The following XKR6 variants were observed in gnomAD, a reference collection of about 807,000 sequenced individuals.
XKR6 encodes XK-related protein 6.
A neutral mutation model predicts 56.7 loss-of-function variants in XKR6; 22 were observed. That is an observed-to-expected ratio of 0.39 (90% CI 0.28 to 0.55). The LOEUF (loss-of-function observed/expected upper bound fraction) is 0.55, where lower values mean the gene tolerates loss of function less well. Among genes scored for constraint, XKR6 ranks in the 20% least tolerant of loss-of-function variants. XKR6 has a pLI of 0.66. For synonymous variants in XKR6, 524 were observed against 387.8 expected (o/e 1.35, Z -4.13); for missense variants, 852 against 889.0 (o/e 0.96, Z 0.53).
intron 1 of XKR6, among the ~76,000 whole-genome samples, chr8:10,989,011 A>G (rs1438478360): frequency 6.6e-6 from 1 of 152,246 alleles, no homozygotes; most frequent in Non-Finnish European, 1.5e-5. Context: ...CGTTCCAACA[A>G]TCACTGAATA....
At chr8:11,154,611 T>C (rs1801422419) in intron 1 of XKR6, among the ~76,000 whole-genome samples, 3 of 152,200 alleles carry the variant, frequency 2.0e-5, no homozygotes, top group African/African-American at 7.2e-5. Flanking sequence ...GTGTGAGAAG[T>C]GAGAGTAGTC....
rs765054158 is a variant in XKR6 at position 11,201,343 on chromosome 8, G to C, written c.-4C>G. 1 of 1,293,958 alleles carries C rather than the reference G, an allele frequency of 7.7e-7. No individual in the cohort carries two copies. Among genetic ancestry groups the C allele is most frequent in the Admixed American group, 2.1e-5 (1 of 48,360 alleles). 80.2% of individuals were successfully genotyped at this position (1,293,958 alleles called of 1,614,324 possible). ...CGCCATCGGATTTCGCCGCCATCTT[G>C]ACTCTCTTCCCAGCTCCGGAGGTTG... On this transcript the variant is annotated 5_prime_UTR_variant, in exon 1 of 3. Coordinates refer to ENST00000416569, the MANE Select transcript of XKR6 (RefSeq NM_173683.4).
At chr8:10,921,652 C>G (rs779611270) in intron 2 of XKR6, among the ~76,000 whole-genome samples, 5 of 152,006 alleles carry the variant, frequency 3.3e-5, no homozygotes, top group Non-Finnish European at 7.4e-5. Flanking sequence ...AAGTGGTGAC[C>G]AGGTCCTTGG....
intron 1 of XKR6, among the ~76,000 whole-genome samples, chr8:11,029,116 G>T (rs1162159686): frequency 1.3e-5 from 2 of 152,132 alleles, no homozygotes; most frequent in African/African-American, 4.8e-5. Context: ...CGTAGGCTCT[G>T]CTCTTTCATG....
At chr8:11,153,798 C>G (rs1432219830) in intron 1 of XKR6, among the ~76,000 whole-genome samples, 2 of 152,218 alleles carry the variant, frequency 1.3e-5, no homozygotes, top group Non-Finnish European at 2.9e-5. Context: ...CTCTCTCTTT[C>G]TTGCATATTT....
At chr8:11,042,834 G>C (rs2129156638) in intron 1 of XKR6, among the ~76,000 whole-genome samples, 1 of 152,356 alleles carries the variant, frequency 6.6e-6, no homozygotes, top group Non-Finnish European at 1.5e-5. Flanking sequence ...CATGGCCCCT[G>C]CCTTGGCAGA....
chr8:11,115,564 A>G (rs1253927870), intron 1 of XKR6, among the ~76,000 whole-genome samples: 1 of 152,204 alleles, frequency 6.6e-6, no homozygotes, highest in Non-Finnish European at 1.5e-5. Flanking sequence ...ATTATCGTTC[A>G]ATGTTTTGCA....
chr8:11,099,932 G>C lies in XKR6; in HGVS notation c.764+100644C>G, dbSNP rs190687744. 7.2e-5 allele frequency among the ~76,000 whole-genome samples: 11 copies of C among 152,324 alleles called. No homozygotes were observed. The East Asian group carries it at 1.2e-3, about 16-fold the overall frequency. On this transcript the variant is annotated intron_variant, in intron 1 of 2. Coordinates refer to ENST00000416569, the MANE Select transcript of XKR6 (RefSeq NM_173683.4). The stretch of plus-strand genomic sequence containing the variant: ...TAAGCACATGGGGAGGAGCATCCTA[G>C]ACAAAGCGAGCAGCAAATGCAAGGG...
chr8:11,049,221 C>T (rs1799483621), intron 1 of XKR6, among the ~76,000 whole-genome samples: 1 of 152,246 alleles, frequency 6.6e-6, no homozygotes, highest in South Asian at 2.1e-4. Context: ...CTAATGGCTG[C>T]AAGGCACCCA....
chr8:11,070,787 A>G (rs1554450935), intron 1 of XKR6, among the ~76,000 whole-genome samples: 1 of 152,232 alleles, frequency 6.6e-6, no homozygotes, highest in Non-Finnish European at 1.5e-5. Context: ...TCGTGAATCA[A>G]TAATTAGGTG....
chr8:10,928,149 C>G (rs1296113139), intron 1 of XKR6, among the ~76,000 whole-genome samples: 1 of 152,164 alleles, frequency 6.6e-6, no homozygotes, highest in Non-Finnish European at 1.5e-5. Flanking sequence ...AGTGGAGGGC[C>G]CAGGTGCCAG....
At chr8:11,101,096 G>A (rs1451223882) in intron 1 of XKR6, among the ~76,000 whole-genome samples, 2 of 152,186 alleles carry the variant, frequency 1.3e-5, no homozygotes, top group Non-Finnish European at 2.9e-5. Context: ...AATGCTCACG[G>A]GTAGTATTTG....
chr8:11,111,006 CTATTTTTTTTTTTTTTT>C (rs1459809166), intron 1 of XKR6, among the ~76,000 whole-genome samples: 4 of 94,818 alleles, frequency 4.2e-5, no homozygotes, highest in African/African-American at 1.7e-4. Context: ...CTGGCTTTTT[CTATTTTTTTTTTTTTTT>C]TTTTTTTTTT....
At chr8:10,931,189 C>T (rs1260808139) in intron 1 of XKR6, among the ~76,000 whole-genome samples, 2 of 152,092 alleles carry the variant, frequency 1.3e-5, no homozygotes, top group East Asian at 3.8e-4. Flanking sequence ...CTTAAATTAG[C>T]TCCGAAAATG....
At chr8:11,024,177 T>C (rs1798808291) in intron 1 of XKR6, among the ~76,000 whole-genome samples, 1 of 151,688 alleles carries the variant, frequency 6.6e-6, no homozygotes, top group African/African-American at 2.4e-5. Context: ...TATTTTTGCC[T>C]TGTTGCAGAC....
intron 1 of XKR6, among the ~76,000 whole-genome samples, chr8:10,989,697 C>T (rs1344642810): frequency 6.6e-6 from 1 of 152,212 alleles, no homozygotes; most frequent in East Asian, 1.9e-4. Context: ...TTAAACAATA[C>T]ATGCAAAGCA....
chr8:11,113,458 T>C (rs1799005724), intron 1 of XKR6, among the ~76,000 whole-genome samples: 1 of 152,224 alleles, frequency 6.6e-6, no homozygotes, highest in South Asian at 2.1e-4. Flanking sequence ...TATTTGAACA[T>C]GTAATAGCTT....
Position 11,114,011 on chromosome 8 carries a change from G to A in XKR6, c.764+86565C>T, listed in dbSNP as rs954052863. 131 of 399,834 alleles carry A rather than the reference G, an allele frequency of 3.3e-4. 1 individual carries two copies. The highest frequency in any genetic ancestry group is 5.7e-4 in the South Asian group (31 of 54,338). 24.8% of individuals were successfully genotyped at this position (399,834 alleles called of 1,614,324 possible). Reference sequence around the variant, plus strand: ...GGCTGAAGTGGTTTCAGGACGAGGCGATCGCTCACCTTCTAGTCAGAAATC... The same window carrying A: ...GGCTGAAGTGGTTTCAGGACGAGGCAATCGCTCACCTTCTAGTCAGAAATC... On this transcript the variant is annotated intron_variant, in intron 1 of 2. Coordinates refer to ENST00000416569, the MANE Select transcript of XKR6 (RefSeq NM_173683.4).
chr8:11,068,063 CG>C (rs924461553), intron 1 of XKR6, among the ~76,000 whole-genome samples: 2 of 152,214 alleles, frequency 1.3e-5, no homozygotes, highest in African/African-American at 4.8e-5. Context: ...TCTCCAGGGC[CG>C]GCCTCAGCAC....
Sources: gnomAD v4.1 joint callset for allele counts (sites outside exome capture counted in the v4.1 genomes callset) on GRCh38, gnomAD v4.1.1 for gene constraint, MANE v1.5 for transcripts, NCBI Gene and HGNC (gene_info 2026-07-23, HGNC 2026-07-21) for gene names.